SEMA3A: variants seen among roughly 807,000 people sequenced by gnomAD.
The protein encoded by SEMA3A is semaphorin-3A.
SEMA3A carries 29 observed loss-of-function variants against 97.9 expected under a neutral mutation model. The observed-to-expected ratio is 0.30, with a 90% confidence interval of 0.22 to 0.40. The LOEUF (loss-of-function observed/expected upper bound fraction) is 0.40, where lower values mean the gene tolerates loss of function less well. Ranked by LOEUF, SEMA3A falls within the 10% of genes least tolerant of loss-of-function variation. The pLI is 1.00. For synonymous variants in SEMA3A, 321 were observed against 323.7 expected (o/e 0.99, Z 0.09); for missense variants, 763 against 951.3 (o/e 0.80, Z 2.60).
chr7:84,193,808 A>G (rs1798124272), intron 1 of SEMA3A, among the ~76,000 whole-genome samples: 1 of 152,190 alleles, frequency 6.6e-6, no homozygotes, highest in Non-Finnish European at 1.5e-5. Flanking sequence ...ATGCAAGCAG[A>G]CAGTAATGTG....
At position 84,428,600 on chromosome 7, in the gene SEMA3A, G is replaced by T. The variant is rs78934110; in HGVS notation, c.-245-56700C>A. On this transcript the variant is annotated intron_variant, in intron 1 of 3. Coordinates refer to the SEMA3A transcript ENST00000424555. Reference sequence around the variant, plus strand: ...TTGAAAATATTTCTTCTCTATTATTGCTTATATCTCAAGCACTTTATAATT... The same window carrying T: ...TTGAAAATATTTCTTCTCTATTATTTCTTATATCTCAAGCACTTTATAATT... Among the ~76,000 whole-genome samples, 460 of 151,540 alleles carry T rather than the reference G, an allele frequency of 3.0e-3. 6 individuals carry two copies. In the East Asian group the frequency reaches 0.047, roughly 16 times the overall value.
At chr7:83,984,608 C>CTTTTTTTTTTTTTTTTTTTTTTTT (rs371082897) in intron 13 of SEMA3A, among the ~76,000 whole-genome samples, 1 of 98,884 alleles carries the variant, frequency 1.0e-5, no homozygotes. Flanking sequence ...GATTTTTCTG[C>CTTTTTTTTTTTTTTTTTTTTTTTT]TTTTTTTTTT....
intron 15 of SEMA3A, among the ~76,000 whole-genome samples, chr7:83,964,853 T>C (rs1237746750): frequency 6.6e-6 from 1 of 152,008 alleles, no homozygotes; most frequent in Non-Finnish European, 1.5e-5. Context: ...TATAGGCTGT[T>C]TTTTTTTCCC....
At chr7:84,171,832 T>C (rs1171788036) in intron 1 of SEMA3A, among the ~76,000 whole-genome samples, 1 of 152,186 alleles carries the variant, frequency 6.6e-6, no homozygotes, top group African/African-American at 2.4e-5. Context: ...TACATTTTAT[T>C]CTGCTTAAAT....
At chr7:84,143,444 A>G (rs563709986) in intron 1 of SEMA3A, among the ~76,000 whole-genome samples, 63 of 148,752 alleles carry the variant, frequency 4.2e-4, no homozygotes, top group African/African-American at 1.5e-3. Flanking sequence ...CAAGTAGGAT[A>G]GAATTAATAA....
At chr7:84,370,212 A>G (rs1457087680) in intron 2 of SEMA3A, among the ~76,000 whole-genome samples, 2 of 151,622 alleles carry the variant, frequency 1.3e-5, no homozygotes, top group African/African-American at 4.8e-5. Flanking sequence ...TTTTGAGTAT[A>G]GGCATAAACT....
At chr7:84,108,187 C>T (rs1048777408) in intron 4 of SEMA3A, among the ~76,000 whole-genome samples, 2 of 152,062 alleles carry the variant, frequency 1.3e-5, no homozygotes, top group African/African-American at 2.4e-5. Context: ...ATTTTCCTTA[C>T]AAATTTCTAG....
At chr7:84,475,889 G>T (rs1042358842) in intron 1 of SEMA3A, among the ~76,000 whole-genome samples, 1 of 151,958 alleles carries the variant, frequency 6.6e-6, no homozygotes, top group African/African-American at 2.4e-5. Context: ...TTGTTGTCAT[G>T]GTAGACTTAA....
At chr7:84,117,887 T>A (rs942580454) in intron 3 of SEMA3A, among the ~76,000 whole-genome samples, 4 of 152,214 alleles carry the variant, frequency 2.6e-5, no homozygotes, top group Non-Finnish European at 5.9e-5. Context: ...AGATTAATGA[T>A]ATATTCATGT....
At chr7:84,232,657 A>G (rs1295959846) in intron 3 of SEMA3A, among the ~76,000 whole-genome samples, 1 of 151,978 alleles carries the variant, frequency 6.6e-6, no homozygotes, top group Non-Finnish European at 1.5e-5. Context: ...TCAATATCAC[A>G]TAACTTGTCT....
At chr7:84,257,542 A>G (rs1049190047) in intron 3 of SEMA3A, among the ~76,000 whole-genome samples, 3 of 152,196 alleles carry the variant, frequency 2.0e-5, no homozygotes, top group African/African-American at 4.8e-5. Flanking sequence ...GGTACTAGCT[A>G]TAACACTGAA....
chr7:84,179,576 T>C (rs969532608), intron 1 of SEMA3A, among the ~76,000 whole-genome samples: 1 of 152,176 alleles, frequency 6.6e-6, no homozygotes. Context: ...ATCTGAATGA[T>C]AGACCAATTT....
At chr7:84,403,346 G>A (rs1182712836) in intron 1 of SEMA3A, among the ~76,000 whole-genome samples, 1 of 152,234 alleles carries the variant, frequency 6.6e-6, no homozygotes, top group Non-Finnish European at 1.5e-5. Context: ...GCGAGGCTGG[G>A]GGAGGGGCAC....
intron 6 of SEMA3A, among the ~76,000 whole-genome samples, chr7:84,044,058 T>C (rs1300139207): frequency 6.6e-6 from 1 of 152,054 alleles, no homozygotes; most frequent in African/African-American, 2.4e-5. Flanking sequence ...GAGAAAGCCT[T>C]TATGCCCTTT....
Position 84,474,904 on chromosome 7 carries a change from T to TA in SEMA3A, c.-246+17555dup, listed in dbSNP as rs1319064250. On this transcript the variant is annotated intron_variant, in intron 1 of 3. Coordinates refer to the SEMA3A transcript ENST00000424555. ...GGATCAGAACGCTTTGGAGAAATAT[T>TA]AGAGGTTTAAAAAAAAAAGTGAAGA... 5.9e-5 allele frequency among the ~76,000 whole-genome samples: 9 copies of TA among 151,526 alleles called. 1 individual carries two copies. In the East Asian group the frequency reaches 1.7e-3, roughly 29 times the overall value.
intron 4 of SEMA3A, among the ~76,000 whole-genome samples, chr7:84,069,895 GAACA>G (rs1300307349): frequency 5.3e-5 from 8 of 152,036 alleles, no homozygotes; most frequent in African/African-American, 1.9e-4. Context: ...TATCATGAAC[GAACA>G]GTGTTAATAT....
Position 84,397,900 on chromosome 7 carries a change from T to C in SEMA3A, c.-245-26000A>G, listed in dbSNP as rs533728008. On this transcript the variant is annotated intron_variant, in intron 1 of 3. Coordinates refer to the SEMA3A transcript ENST00000424555. Reference sequence around the variant, plus strand: ...ACAAATAGGCCATGGGGTTTTATGATAATTAAATAAGATAAATCATGCAAA... The same window carrying C: ...ACAAATAGGCCATGGGGTTTTATGACAATTAAATAAGATAAATCATGCAAA... Among the ~76,000 whole-genome samples, 4 of 152,270 alleles carry C rather than the reference T, an allele frequency of 2.6e-5. No individual in the cohort carries two copies. In the South Asian group the frequency reaches 8.3e-4, roughly 32 times the overall value.
At chr7:84,016,336 G>A (rs1262729842) in intron 6 of SEMA3A, among the ~76,000 whole-genome samples, 1 of 151,946 alleles carries the variant, frequency 6.6e-6, no homozygotes, top group East Asian at 1.9e-4. Context: ...TCAGGAGATC[G>A]AGACCATCCT....
At chr7:84,217,139 T>C (rs1292036856) in intron 3 of SEMA3A, among the ~76,000 whole-genome samples, 1 of 152,234 alleles carries the variant, frequency 6.6e-6, no homozygotes, top group African/African-American at 2.4e-5. Context: ...GTGTATTTTA[T>C]ATCCTCCTGA....
Sources: allele counts gnomAD v4.1 joint callset (sites outside exome capture counted in the v4.1 genomes callset), GRCh38; gene constraint gnomAD v4.1.1; transcripts MANE v1.5; gene names NCBI Gene and HGNC (gene_info 2026-07-23, HGNC 2026-07-21).